Variants in CNOT1 observed in about 807,000 individuals in gnomAD.
CNOT1 encodes CCR4-NOT transcription complex subunit 1.
CNOT1 carries 15 observed loss-of-function variants against 273.8 expected under a neutral mutation model. That is an observed-to-expected ratio of 0.05 (90% CI 0.04 to 0.08). The LOEUF (loss-of-function observed/expected upper bound fraction) is 0.08, where lower values mean the gene tolerates loss of function less well. Among genes scored for constraint, CNOT1 ranks in the 10% least tolerant of loss-of-function variants. The probability of loss-of-function intolerance (pLI) is 1.00; values close to 1 mark genes in which losing one functional copy is unlikely to be tolerated. For missense variants in CNOT1, 1,644 were observed against 2,912.2 expected, an observed-to-expected ratio of 0.56 and a Z score of 10.02; for synonymous variants, 1,022 against 1,005.5, an observed-to-expected ratio of 1.02 and a Z score of -0.31.
intron 31 of CNOT1, chr16:58,543,110 A>G (rs1203833423): frequency 7.8e-6 from 10 of 1,279,798 alleles, no homozygotes; most frequent in Non-Finnish European, 1.0e-5. Flanking sequence ...ATTAAAAAAA[A>G]GGCAAAAAAC....
At position 58,547,924 on chromosome 16, in the gene CNOT1, C is replaced by T. The variant is rs1171886834; in HGVS notation, c.3523-242G>A. Among the ~76,000 whole-genome samples, 1 of 152,180 alleles carries T rather than the reference C, an allele frequency of 6.6e-6. No homozygotes were observed. The highest frequency in any genetic ancestry group is 1.5e-5 in the Non-Finnish European group (1 of 68,030). ...TATTTTTTCAAAATAGGTACAAACACATTGCACAAAATTCAAAAAGAACAC... is the reference window on the plus strand; with the variant it reads ...TATTTTTTCAAAATAGGTACAAACATATTGCACAAAATTCAAAAAGAACAC... On this transcript the variant is annotated intron_variant, in intron 25 of 48. Transcript: ENST00000317147. The surrounding 1 kb of genome is among the most constrained non-coding windows in gnomAD (Gnocchi z 4.0).
At position 58,542,509 on chromosome 16, in the gene CNOT1, G is replaced by C. The variant is rs1238406964; in HGVS notation, c.4494C>G (p.Asp1498Glu). The change falls in exon 32 of 49, where the codon GAC (aspartate) becomes GAG (glutamate). Residue 1498 changes from aspartate to glutamate, a missense_variant. Asp to Glu is a conservative substitution (Grantham distance 45). Coordinates refer to ENST00000317147, the MANE Select transcript of CNOT1 (RefSeq NM_016284.5). ...MDQAAAQLAQ[D>E]NCELACCFIQ... The stretch of plus-strand genomic sequence containing the variant: ...TAAAACAGCAAGCCAACTCACAATT[G>C]TCCTGAGCTAATTGAGCAGCTGCCT... 6.4e-7 allele frequency: 1 copy of C among 1,558,596 alleles called. No individual in the cohort carries two copies.
intron 16 of CNOT1, among the ~76,000 whole-genome samples, chr16:58,566,508 T>A (rs778616275): frequency 7.2e-5 from 11 of 152,258 alleles, no homozygotes; most frequent in Non-Finnish European, 1.5e-4. Flanking sequence ...AATATTCCAC[T>A]GCAGATGGAT....
intron 16 of CNOT1, among the ~76,000 whole-genome samples, chr16:58,561,869 C>T (rs1389869922): frequency 6.6e-6 from 1 of 152,040 alleles, no homozygotes; most frequent in Non-Finnish European, 1.5e-5. Flanking sequence ...CTATGGGGTC[C>T]CTTGTATTCA....
intron 16 of CNOT1, among the ~76,000 whole-genome samples, chr16:58,561,214 A>T (rs1251149898): frequency 6.6e-6 from 1 of 152,170 alleles, no homozygotes; most frequent in Non-Finnish European, 1.5e-5. Context: ...CATGTAGCTA[A>T]ATTTCTGCCA....
intron 2 of CNOT1, among the ~76,000 whole-genome samples, chr16:58,592,302 C>T (rs1328534799): frequency 1.3e-5 from 2 of 151,900 alleles, no homozygotes; most frequent in Admixed American, 6.6e-5. Context: ...CCATTCACAG[C>T]CATAAAATGT....
chr16:58,530,070 T>C (rs1030792479), intron 43 of CNOT1, among the ~76,000 whole-genome samples, 176 bp downstream of exon 43: 1 of 152,144 alleles, frequency 6.6e-6, no homozygotes, highest in Non-Finnish European at 1.5e-5. Context: ...GTTGAACATA[T>C]ACAAACACTG....
In CNOT1 at chr16:58,530,227, A is replaced by G. The variant is rs780090728; in HGVS notation, c.6279+19T>C. 6.5e-6 allele frequency: 10 copies of G among 1,548,332 alleles called. No individual in the cohort carries two copies. Among genetic ancestry groups the G allele is most frequent in the Non-Finnish European group, 8.8e-6 (10 of 1,133,398 alleles). ...AAGATCTCAGTTATTTTAATTTATA[A>G]TAAATCCAAGTTAATTACCTTGTAG... On this transcript the variant is annotated intron_variant, in intron 43 of 48. Transcript: ENST00000317147.
Position 58,587,854 on chromosome 16 carries a change from C to G in CNOT1, c.235G>C (p.Ala79Pro), listed in dbSNP as rs1175977737. 1 of 1,613,640 alleles carries G rather than the reference C, an allele frequency of 6.2e-7. No homozygotes were observed. The highest frequency in any genetic ancestry group is 8.5e-7 in the Non-Finnish European group (1 of 1,180,018). ...AAATTTGGCTTTGTAATCAGCAACG[C>G]ACACTCCTGAATCAGAAACTGAGTC... ...HQTQFLIQEC[A>P]LLITKPNFIS... The change falls in exon 4 of 49, where the codon GCG becomes CCG. Residue 79 changes from alanine to proline, a missense_variant. By Grantham distance (27) the Ala-to-Pro change is conservative. Around this residue, in one of 13 missense-constraint regions of CNOT1, gnomAD observed 706 missense variants for 1,021.2 expected, o/e 0.69. Transcript: ENST00000317147.
In CNOT1 at chr16:58,547,385, TC is replaced by T; in HGVS notation, c.3640-90del. 1 of 1,567,502 alleles carries T rather than the reference TC, an allele frequency of 6.4e-7. No individual in the cohort carries two copies. Among genetic ancestry groups the T allele is most frequent in the East Asian group, 2.3e-5 (1 of 44,368 alleles). ...AAAGAAAAGTATTTTGCCAAGCTTATCCCCAAAACAGGAATCAACATAATGT... is the reference window on the plus strand; with the variant it reads ...AAAGAAAAGTATTTTGCCAAGCTTATCCCAAAACAGGAATCAACATAATGT... On this transcript the variant is annotated intron_variant, in intron 26 of 48. Transcript: ENST00000317147. The surrounding 1 kb of genome is among the most constrained non-coding windows in gnomAD (Gnocchi z 4.0).
chr16:58,530,097 G>C (rs1210351717), intron 43 of CNOT1, 149 bp downstream of exon 43: 2 of 572,484 alleles, frequency 3.5e-6, no homozygotes, highest in East Asian at 5.7e-5. Context: ...TTGGGTGCTA[G>C]TTATGCAAGT....
intron 33 of CNOT1, among the ~76,000 whole-genome samples, chr16:58,541,987 C>G (rs2040109042): frequency 6.6e-6 from 1 of 152,216 alleles, no homozygotes; most frequent in African/African-American, 2.4e-5. Context: ...AACATGAAAA[C>G]TAGCAGGCAC....
chr16:58,564,627 C>A (rs1027453569), intron 16 of CNOT1, among the ~76,000 whole-genome samples: 2 of 152,078 alleles, frequency 1.3e-5, no homozygotes, highest in African/African-American at 4.8e-5. Flanking sequence ...AAAATATTCA[C>A]CTTTACTATT....
At chr16:58,525,445 C>A in intron 45 of CNOT1, 86 bp from the exon 46 acceptor site, 1 of 1,177,448 alleles carries the variant, frequency 8.5e-7, no homozygotes. Flanking sequence ...CTTCTTACAC[C>A]TTCATGGAAA....
chr16:58,562,387 A>C (rs4784956), intron 16 of CNOT1, among the ~76,000 whole-genome samples: 114,105 of 151,648 alleles, frequency 0.75, 43,327 homozygotes, highest in Middle Eastern at 0.86. Flanking sequence ...GCCTGTAGTC[A>C]TAACTACTTG....
intron 22 of CNOT1, among the ~76,000 whole-genome samples, chr16:58,552,839 A>G (rs2040499476): frequency 6.6e-6 from 1 of 152,258 alleles, no homozygotes; most frequent in Non-Finnish European, 1.5e-5. Context: ...AGACAAAGGT[A>G]TAGATAATGC....
chr16:58,535,225 CAACTT>C (rs1233721340), intron 39 of CNOT1, among the ~76,000 whole-genome samples: 1 of 152,000 alleles, frequency 6.6e-6, no homozygotes. Context: ...ATTTTTGAAA[CAACTT>C]AACTGTTCCT....
chr16:58,589,612 T>C (rs114171259), intron 2 of CNOT1, among the ~76,000 whole-genome samples: 4,991 of 152,254 alleles, frequency 0.033, 260 homozygotes, highest in African/African-American at 0.11. Context: ...TTGCTCAACA[T>C]CTACACCAAA....
rs187529915 is a variant in CNOT1 at position 58,521,750 on chromosome 16, G to A, written c.6918-433C>T. 4.1e-3 allele frequency among the ~76,000 whole-genome samples: 624 copies of A among 151,906 alleles called. 5 individuals are homozygous for A. Among genetic ancestry groups the A allele is most frequent in the African/African-American group, 0.014 (588 of 41,402 alleles). On this transcript the variant is annotated intron_variant, in intron 47 of 48. Transcript: ENST00000317147. ...GTGGATCACCTGAGGTCAGGAGTTC[G>A]AGACCAGCCTGGCCAACATGGTGAA...
Sources: gnomAD v4.1 joint callset for allele counts (sites outside exome capture counted in the v4.1 genomes callset) on GRCh38, gnomAD v4.1.1 for gene constraint, gnomAD v4.1.1 regional missense constraint, Gnocchi (gnomAD v3.1) non-coding constraint, MANE v1.5 for transcripts, NCBI Gene and HGNC (gene_info 2026-07-23, HGNC 2026-07-21) for gene names.